The following DNAJC11 variants were observed in gnomAD, a reference collection of about 807,000 sequenced individuals.
DNAJC11 encodes DnaJ heat shock protein family (Hsp40) member C11.
In DNAJC11, 15 loss-of-function variants were observed where a neutral mutation model predicts 78.6. The ratio of observed to expected loss-of-function variants is 0.19; its 90% CI spans 0.13 to 0.29. DNAJC11 has a LOEUF of 0.29. DNAJC11 is among the 10% of genes least tolerant of loss of function. The pLI is 1.00. For missense variants in DNAJC11, 547 were observed against 709.6 expected (o/e 0.77, Z 2.60); for synonymous variants, 292 against 272.1 (o/e 1.07, Z -0.72).
At chr1:6,685,064 G>A (rs1161437397) in intron 1 of DNAJC11, among the ~76,000 whole-genome samples, 1 of 152,148 alleles carries the variant, frequency 6.6e-6, no homozygotes, top group Non-Finnish European at 1.5e-5. Context: ...CTTGAGGCCA[G>A]GAGTTCAAGA....
In DNAJC11 at chr1:6,654,007, G is replaced by T. The variant is rs1553128134; in HGVS notation, c.411C>A (p.Asp137Glu). 6.2e-7 allele frequency: 1 copy of T among 1,613,524 alleles called. No individual in the cohort carries two copies. The highest frequency in any genetic ancestry group is 1.7e-5 in the Admixed American group (1 of 60,000). The part of the protein sequence containing the change: ...GTISVGVDAT[D>E]LFDRYDEEYE... Reference sequence around the variant, plus strand: ...ACTCCTCATCATAGCGATCAAAAAGGTCGGTGGCATCTACTCCAACGCTGA... The same window carrying T: ...ACTCCTCATCATAGCGATCAAAAAGTTCGGTGGCATCTACTCCAACGCTGA... Residue 137 changes from aspartate to glutamate, a missense_variant, in exon 5 of 16, where the codon GAC (aspartate) becomes GAA (glutamate). Transcript: ENST00000377577.
intron 1 of DNAJC11, among the ~76,000 whole-genome samples, chr1:6,701,416 C>T (rs1337536646): frequency 6.6e-6 from 1 of 152,228 alleles, no homozygotes; most frequent in African/African-American, 2.4e-5. Context: ...GCTAACCCCA[C>T]TACGGTGGCC....
chr1:6,689,717 G>GGTC (rs1171669275), intron 1 of DNAJC11, among the ~76,000 whole-genome samples: 1 of 151,702 alleles, frequency 6.6e-6, no homozygotes, highest in Non-Finnish European at 1.5e-5. Flanking sequence ...CGGAGGTTGT[G>GGTC]GTGAGCTGAG....
rs568959487 is a variant in DNAJC11, at chr1:6,659,664, G to A, written c.379-5625C>T. Among the ~76,000 whole-genome samples the A allele has an allele frequency of 9.2e-5, 14 of 152,266 alleles. No individual in the cohort carries two copies. The East Asian group carries it at 2.7e-3, about 29-fold the overall frequency. ...GTAGTCCCAGCTACTCGGAGGCTGA[G>A]GCAGAAGAATTGCTTGAATCCAGGA... is the stretch of plus-strand genomic sequence containing the variant. On this transcript the variant is annotated intron_variant, in intron 4 of 15. Coordinates refer to ENST00000377577, the MANE Select transcript of DNAJC11 (RefSeq NM_018198.4).
At chr1:6,687,164 G>A (rs1021936737) in intron 1 of DNAJC11, among the ~76,000 whole-genome samples, 2 of 152,088 alleles carry the variant, frequency 1.3e-5, no homozygotes, top group Non-Finnish European at 1.5e-5. Flanking sequence ...GCTGTTCTAC[G>A]GAGAGAAAGG....
chr1:6,641,402 T>C (rs758716153), intron 10 of DNAJC11, among the ~76,000 whole-genome samples: 19 of 144,220 alleles, frequency 1.3e-4, no homozygotes, highest in African/African-American at 4.7e-4. Context: ...TATATATATA[T>C]ATATACACAC....
At chr1:6,679,343 T>C (rs937697179) in intron 2 of DNAJC11, among the ~76,000 whole-genome samples, 1 of 152,244 alleles carries the variant, frequency 6.6e-6, no homozygotes, top group Non-Finnish European at 1.5e-5. Context: ...ACATCTCTTA[T>C]CATGTTGTTG....
rs187667399 is a variant in DNAJC11 at position 6,687,571 on chromosome 1, A to G, written c.73-6534T>C. ...ACGGGGTTTCACCGTGTTAGCCAGG[A>G]TGGTCTCAATCTCCTGACCTCGTGA... On this transcript the variant is annotated intron_variant, in intron 1 of 15. Transcript: ENST00000377577. 1.1e-4 allele frequency among the ~76,000 whole-genome samples: 17 copies of G among 151,980 alleles called. No homozygotes were observed. In the East Asian group the frequency reaches 3.3e-3, roughly 29 times the overall value.
intron 2 of DNAJC11, 55 bp from the exon 3 acceptor site, chr1:6,678,522 T>C: frequency 7.0e-7 from 1 of 1,425,376 alleles, no homozygotes; most frequent in Admixed American, 1.8e-5. Flanking sequence ...CTTCAGTCCT[T>C]CCTGAGAATA....
At chr1:6,670,110 C>T (rs375896146) in intron 3 of DNAJC11, among the ~76,000 whole-genome samples, 19 of 151,952 alleles carry the variant, frequency 1.3e-4, no homozygotes, top group South Asian at 6.3e-4. Flanking sequence ...TGCGGCACCA[C>T]GCCTGGTTAA....
At chr1:6,665,165 T>A (rs1253664789) in intron 4 of DNAJC11, among the ~76,000 whole-genome samples, 1 of 152,170 alleles carries the variant, frequency 6.6e-6, no homozygotes, top group Non-Finnish European at 1.5e-5. Context: ...ACTCCTGGGC[T>A]CGGGCAACCC....
Position 6,652,092 on chromosome 1 carries a change from C to T in DNAJC11, c.631-490G>A, listed in dbSNP as rs183887374. 2.6e-4 allele frequency among the ~76,000 whole-genome samples: 40 copies of T among 152,360 alleles called. 1 individual carries two copies. The highest frequency in any genetic ancestry group is 9.4e-4 in the African/African-American group (39 of 41,572). On this transcript the variant is annotated intron_variant, in intron 6 of 15. Transcript: ENST00000377577. The stretch of plus-strand genomic sequence containing the variant: ...TAAAGCCCAGCCGCGGTTCCACACC[C>T]GCACAGCCTTGGAAGTCACAGCTGA...
At position 6,639,990 on chromosome 1, in the gene DNAJC11, T is replaced by G; in HGVS notation, c.1165A>C (p.Met389Leu). The G allele has an allele frequency of 6.3e-7, 1 of 1,599,798 alleles. No individual in the cohort carries two copies. Among genetic ancestry groups the G allele is most frequent in the Non-Finnish European group, 8.5e-7 (1 of 1,176,068 alleles). ...AGAGGCCCCACGGTGGCATAGAACA[T>G]GGCGCTGGGCAGAAGCTGGTCCGTC... Reference protein sequence around the residue: ...HLTDQLLPSAMFYATVGPLVV... With the variant: ...HLTDQLLPSALFYATVGPLVV... The change falls in exon 11 of 16, where the codon ATG becomes CTG. Residue 389 changes from methionine to leucine, a missense_variant. Transcript: ENST00000377577.
chr1:6,638,388 C>T, intron 11 of DNAJC11, 24 bp from the exon 12 acceptor site: 1 of 1,609,160 alleles, frequency 6.2e-7, no homozygotes, highest in Non-Finnish European at 8.5e-7. Context: ...AACACAAGCC[C>T]CACGTTAGCG....
chr1:6,639,473 G>C (rs1334210418), intron 11 of DNAJC11, among the ~76,000 whole-genome samples: 1 of 151,998 alleles, frequency 6.6e-6, no homozygotes, highest in Non-Finnish European at 1.5e-5. Context: ...GGGATTACAG[G>C]CACGTGCCAC....
At chr1:6,646,798 T>C (rs1023945606) in intron 7 of DNAJC11, among the ~76,000 whole-genome samples, 5 of 152,162 alleles carry the variant, frequency 3.3e-5, no homozygotes, top group Admixed American at 2.6e-4. Context: ...AATAAAGAGC[T>C]CCACATCAAT....
At chr1:6,637,120 G>A in intron 14 of DNAJC11, 78 bp downstream of exon 14, 1 of 1,577,940 alleles carries the variant, frequency 6.3e-7, no homozygotes, top group Non-Finnish European at 8.6e-7. Flanking sequence ...AAAGTGCTAG[G>A]ATTATAGGCC....
intron 3 of DNAJC11, among the ~76,000 whole-genome samples, chr1:6,671,226 T>C (rs1457532508): frequency 3.3e-5 from 5 of 152,218 alleles, no homozygotes; most frequent in Admixed American, 1.3e-4. Flanking sequence ...TTTATTTATT[T>C]ATTTGAGACA....
chr1:6,666,570 T>G (rs1377306887), intron 4 of DNAJC11, among the ~76,000 whole-genome samples: 1 of 151,892 alleles, frequency 6.6e-6, no homozygotes, highest in East Asian at 1.9e-4. Flanking sequence ...TGGCTAATTT[T>G]TTTGTATTTT....
Sources: gnomAD v4.1 joint callset for allele counts (sites outside exome capture counted in the v4.1 genomes callset) on GRCh38, gnomAD v4.1.1 for gene constraint, MANE v1.5 for transcripts, NCBI Gene and HGNC (gene_info 2026-07-23, HGNC 2026-07-21) for gene names.